PDE1C: variants seen among roughly 807,000 people sequenced by gnomAD.
The protein encoded by PDE1C is dual specificity calcium/calmodulin-dependent 3',5'-cyclic nucleotide phosphodiesterase 1C.
Under a neutral mutation model 93.1 loss-of-function variants are expected in PDE1C, and 62 were observed. The ratio of observed to expected loss-of-function variants is 0.67; its 90% CI spans 0.54 to 0.82. PDE1C has a LOEUF of 0.82. Ranked by LOEUF, PDE1C falls within the 40% of genes least tolerant of loss-of-function variation. The probability of loss-of-function intolerance (pLI) is 0.00; values close to 1 mark genes in which losing one functional copy is unlikely to be tolerated. For synonymous variants in PDE1C, 325 were observed against 310.1 expected, an observed-to-expected ratio of 1.05 and a Z score of -0.50; for missense variants, 742 against 884.6, an observed-to-expected ratio of 0.84 and a Z score of 2.04.
intron 2 of PDE1C, among the ~76,000 whole-genome samples, chr7:31,904,480 T>TA (rs59608294): frequency 4.5e-4 from 68 of 150,254 alleles, no homozygotes; most frequent in South Asian, 1.9e-3. Flanking sequence ...TCCACTCACT[T>TA]AAAAAAAAAA....
chr7:31,648,831 T>C, the PDE1C span, among the ~76,000 whole-genome samples: 1 of 152,242 alleles, frequency 6.6e-6, no homozygotes, highest in African/African-American at 2.4e-5. Context: ...TGGTCCCTGC[T>C]GTGACTCAGA....
At chr7:32,264,439 C>T (rs991851698) in intron 1 of PDE1C, among the ~76,000 whole-genome samples, 2 of 152,112 alleles carry the variant, frequency 1.3e-5, no homozygotes, top group Admixed American at 6.5e-5. Context: ...ATCTACCAAG[C>T]GACTACACCG....
intron 16 of PDE1C, among the ~76,000 whole-genome samples, chr7:31,807,786 A>G (rs1250425034): frequency 3.3e-5 from 5 of 151,938 alleles, no homozygotes; most frequent in Non-Finnish European, 7.4e-5. Context: ...TGGTATTTAA[A>G]CAAACCTTAC....
the PDE1C span, among the ~76,000 whole-genome samples, chr7:31,624,747 G>T: frequency 6.6e-6 from 1 of 151,578 alleles, no homozygotes; most frequent in South Asian, 2.1e-4. Context: ...AAAAGCAATG[G>T]CAACAAAAGC....
the PDE1C span, among the ~76,000 whole-genome samples, chr7:31,637,602 ATTTG>A: frequency 6.6e-6 from 1 of 152,018 alleles, no homozygotes; most frequent in African/African-American, 2.4e-5. Context: ...TTTCTCGTAA[ATTTG>A]TTTGAGTTCA....
At chr7:31,926,601 C>G (rs1165481529) in intron 2 of PDE1C, among the ~76,000 whole-genome samples, 2 of 152,166 alleles carry the variant, frequency 1.3e-5, no homozygotes, top group South Asian at 2.1e-4. Context: ...GCTTATCTCA[C>G]CGGGACTGGT....
intron 1 of PDE1C, among the ~76,000 whole-genome samples, chr7:32,365,025 A>G (rs1784204605): frequency 2.0e-5 from 3 of 152,224 alleles, no homozygotes; most frequent in East Asian, 1.9e-4. Flanking sequence ...AGCAGCTGAC[A>G]TGGTCCCAGT....
the PDE1C span, chr7:31,655,832 A>G: frequency 2.0e-6 from 2 of 985,444 alleles, no homozygotes; most frequent in Non-Finnish European, 2.4e-6. Flanking sequence ...GCTCTCCTGC[A>G]GTTTCTTCCT....
chr7:31,963,778 A>G (rs2129036477), intron 2 of PDE1C, among the ~76,000 whole-genome samples: 1 of 152,352 alleles, frequency 6.6e-6, no homozygotes. Context: ...TTATTAACTC[A>G]GTCTGGCATT....
chr7:32,378,058 G>A (rs181209158), intron 1 of PDE1C, among the ~76,000 whole-genome samples: 52 of 152,318 alleles, frequency 3.4e-4, no homozygotes, highest in African/African-American at 1.2e-3. Flanking sequence ...TGGTCCAGAC[G>A]AGGACTGAAA....
chr7:32,109,658 G>T (rs1798536580), intron 3 of PDE1C, among the ~76,000 whole-genome samples: 1 of 152,164 alleles, frequency 6.6e-6, no homozygotes, highest in African/African-American at 2.4e-5. Flanking sequence ...TGGTCTAAAT[G>T]AAGAAGTCTG....
At chr7:32,377,504 G>A (rs545599479) in intron 1 of PDE1C, among the ~76,000 whole-genome samples, 6 of 152,264 alleles carry the variant, frequency 3.9e-5, no homozygotes, top group South Asian at 4.2e-4. Flanking sequence ...TCTCTTTATA[G>A]TTGCTTTGTC....
At chr7:31,674,883 A>G in the PDE1C span, among the ~76,000 whole-genome samples, 1 of 152,208 alleles carries the variant, frequency 6.6e-6, no homozygotes, top group African/African-American at 2.4e-5. Flanking sequence ...GTGTCACAAA[A>G]GATCAAAAAT....
rs548336019 is a variant in PDE1C, at chr7:31,918,757, C to T, written c.129-37897G>A. Among the ~76,000 whole-genome samples the T allele has an allele frequency of 3.9e-5, 6 of 152,294 alleles. No individual in the cohort carries two copies. The East Asian group carries it at 1.2e-3, about 29-fold the overall frequency. ...TTTTGTTCTTGTGCATTTATACCTT[C>T]GTCATTGCCTTGCTGTCACATAAAA... On this transcript the variant is annotated intron_variant, in intron 2 of 17. Transcript: ENST00000396191.
At chr7:31,742,801 A>G in the PDE1C span, among the ~76,000 whole-genome samples, 1 of 152,186 alleles carries the variant, frequency 6.6e-6, no homozygotes, top group Admixed American at 6.5e-5. Flanking sequence ...CAGCCAATCA[A>G]ACTGCTCACT....
chr7:32,302,977 C>T (rs1812914866), upstream of PDE1C, among the ~76,000 whole-genome samples: 1 of 152,214 alleles, frequency 6.6e-6, no homozygotes, highest in Non-Finnish European at 1.5e-5. Flanking sequence ...AGGGCCTCTT[C>T]CCATTCATAT....
At chr7:31,896,015 A>ATACATACATACC (rs980903676) in intron 2 of PDE1C, among the ~76,000 whole-genome samples, 1 of 151,968 alleles carries the variant, frequency 6.6e-6, no homozygotes, top group African/African-American at 2.4e-5. Flanking sequence ...ACATACATAC[A>ATACATACATACC]TACATACACA....
At chr7:31,647,719 C>T in the PDE1C span, among the ~76,000 whole-genome samples, 2 of 141,220 alleles carry the variant, frequency 1.4e-5, no homozygotes, top group East Asian at 4.2e-4. Context: ...AAGACGATGA[C>T]GACAACGACG....
chr7:32,115,609 A>G (rs561394350), intron 3 of PDE1C, among the ~76,000 whole-genome samples: 1 of 152,312 alleles, frequency 6.6e-6, no homozygotes, highest in East Asian at 1.9e-4. Context: ...CATTCTTCAC[A>G]TGTATCCCGG....
Sources: allele counts gnomAD v4.1 joint callset (sites outside exome capture counted in the v4.1 genomes callset), GRCh38; gene constraint gnomAD v4.1.1; transcripts MANE v1.5; gene names NCBI Gene and HGNC (gene_info 2026-07-23, HGNC 2026-07-21).